PCDHGA6: variants seen among roughly 807,000 people sequenced by gnomAD.
PCDHGA6 encodes the protein protocadherin gamma subfamily A, 6, also known as protocadherin gamma-A6.
Under a neutral mutation model 60.6 loss-of-function variants are expected in PCDHGA6, and 41 were observed. The ratio of observed to expected loss-of-function variants is 0.68; its 90% confidence interval spans 0.53 to 0.88. The LOEUF is 0.88. Ranked by LOEUF, PCDHGA6 falls within the 40% of genes least tolerant of loss-of-function variation. The pLI is 0.00. For missense variants in PCDHGA6, 1,312 were observed against 1,203.0 expected (o/e 1.09, Z -1.34); for synonymous variants, 594 against 524.4 (o/e 1.13, Z -1.81).
At chr5:141,475,983 C>T in intron 1 of PCDHGA6, 2 of 1,049,240 alleles carry the variant, frequency 1.9e-6, no homozygotes, top group Non-Finnish European at 2.8e-6. Context: ...GAACAGCCGG[C>T]GAGCAAATCA....
rs770638374 is a variant in PCDHGA6 at position 141,409,524 on chromosome 5, A to G, written c.2424+33017A>G. On this transcript the variant is annotated intron_variant, in intron 1 of 3. Coordinates refer to ENST00000517434, the MANE Select transcript of PCDHGA6 (RefSeq NM_018919.3). ...TCTTCCAGTAGAAGCATCACCTTGTATGTCGCTGACATCAACGACAACGCC... is the reference window on the plus strand; with the variant it reads ...TCTTCCAGTAGAAGCATCACCTTGTGTGTCGCTGACATCAACGACAACGCC... 11 of 1,613,972 alleles carry G rather than the reference A, an allele frequency of 6.8e-6. No homozygotes were observed. In the South Asian group the frequency reaches 1.1e-4, roughly 16 times the overall value.
Position 141,398,804 on chromosome 5 carries a change from C to G in PCDHGA6, c.2424+22297C>G, listed in dbSNP as rs1283760076. 9 of 1,613,894 alleles carry G rather than the reference C, an allele frequency of 5.6e-6. No homozygotes were observed. In the South Asian group the frequency reaches 8.8e-5, roughly 16 times the overall value. On this transcript the variant is annotated intron_variant, in intron 1 of 3. Coordinates refer to ENST00000517434, the MANE Select transcript of PCDHGA6 (RefSeq NM_018919.3). ...GGACATCCACCCCTAAGCGGCACCA[C>G]TGAGCTCCGGATCCAGGTAACCGAC... is the stretch of plus-strand genomic sequence containing the variant.
chr5:141,422,370 T>G (rs2096643676), intron 1 of PCDHGA6: 1 of 1,566,604 alleles, frequency 6.4e-7, no homozygotes, highest in African/African-American at 1.4e-5. Flanking sequence ...GAGAAAATGG[T>G]CAAGTCTCCT....
At chr5:141,454,471 A>C (rs774315258) in intron 1 of PCDHGA6, among the ~76,000 whole-genome samples, 7 of 152,198 alleles carry the variant, frequency 4.6e-5, no homozygotes, top group Non-Finnish European at 7.3e-5. Context: ...CAATGGCATG[A>C]TCTCAGCTCA....
In PCDHGA6 at chr5:141,494,748, C is replaced by T. The variant is rs566281527; in HGVS notation, c.2425-59C>T. On this transcript the variant is annotated intron_variant, in intron 1 of 3. Coordinates refer to ENST00000517434, the MANE Select transcript of PCDHGA6 (RefSeq NM_018919.3). ...CTCTCCCGGCCCATCCCTAGGGGCTCGGGTGACATTCTAACTTCTCACGGG... is the reference window on the plus strand; with the variant it reads ...CTCTCCCGGCCCATCCCTAGGGGCTTGGGTGACATTCTAACTTCTCACGGG... 1.4e-5 allele frequency: 22 copies of T among 1,613,104 alleles called. No individual in the cohort carries two copies. The East Asian group carries it at 4.2e-4, about 31-fold the overall frequency.
chr5:141,383,308 G>T, intron 1 of PCDHGA6: 1 of 1,613,976 alleles, frequency 6.2e-7, no homozygotes, highest in Non-Finnish European at 8.5e-7. Context: ...CTTGACGGAA[G>T]AAATAAATGT....
At position 141,375,538 on chromosome 5, in the gene PCDHGA6, C is replaced by T; in HGVS notation, c.1455C>T (p.Ala485=). Residue 485 remains alanine (A), a synonymous_variant, in exon 1 of 4, where the codon GCC becomes GCT. Coordinates refer to ENST00000517434, the MANE Select transcript of PCDHGA6 (RefSeq NM_018919.3). ...NALDPDVDQN[A]QVSYSLAEDT... The stretch of plus-strand genomic sequence containing the variant: ...TGGACCCTGACGTGGACCAGAACGC[C>T]CAAGTCTCCTACTCACTGGCAGAAG... 1 of 1,614,018 alleles carries T rather than the reference C, an allele frequency of 6.2e-7. No homozygotes were observed. The highest frequency in any genetic ancestry group is 8.5e-7 in the Non-Finnish European group (1 of 1,179,936).
intron 1 of PCDHGA6, chr5:141,393,169 T>A: frequency 6.2e-7 from 1 of 1,613,090 alleles, no homozygotes; most frequent in African/African-American, 1.3e-5. Context: ...CTCTTTGGGG[T>A]AGAAATAGAA....
At chr5:141,383,978 C>T in intron 1 of PCDHGA6, 1 of 1,613,752 alleles carries the variant, frequency 6.2e-7, no homozygotes, top group Non-Finnish European at 8.5e-7. Context: ...CCTGAAGACA[C>T]ACCTCTTGGG....
intron 1 of PCDHGA6, chr5:141,429,222 T>C (rs897099159): frequency 6.6e-6 from 1 of 151,494 alleles, no homozygotes; most frequent in Non-Finnish European, 1.5e-5. Context: ...AAAGTGGGTA[T>C]TATGATACTG....
At chr5:141,399,509 A>G in intron 1 of PCDHGA6, 13 of 1,613,968 alleles carry the variant, frequency 8.1e-6, no homozygotes, top group Non-Finnish European at 1.1e-5. Flanking sequence ...CCCGAAAACA[A>G]CCCTCCTGGG....
chr5:141,374,338 C>T lies in PCDHGA6; in HGVS notation c.255C>T (p.Val85=). 1 of 1,613,994 alleles carries T rather than the reference C, an allele frequency of 6.2e-7. No homozygotes were observed. The highest frequency in any genetic ancestry group is 8.5e-7 in the Non-Finnish European group (1 of 1,179,876). Residue 85 remains valine (V), a synonymous_variant, in exon 1 of 4, where the codon GTC becomes GTT. Transcript: ENST00000517434. Reference sequence around the variant, plus strand: ...TGAATCCGCGAAACGGCAGCTTGGTCACCGCGGGTAGGATAGACCGCGAGG... The same window carrying T: ...TGAATCCGCGAAACGGCAGCTTGGTTACCGCGGGTAGGATAGACCGCGAGG... ...FSLNPRNGSL[V]TAGRIDREEL...
chr5:141,472,998 G>GAA (rs2099311030), intron 1 of PCDHGA6, among the ~76,000 whole-genome samples: 1 of 134,744 alleles, frequency 7.4e-6, no homozygotes, highest in Non-Finnish European at 1.6e-5. Flanking sequence ...AAAAAAAAAA[G>GAA]AAAGAAAAAG....
At chr5:141,409,502 T>G (rs1311120933) in intron 1 of PCDHGA6, 17 of 1,613,868 alleles carry the variant, frequency 1.1e-5, no homozygotes, top group Non-Finnish European at 1.4e-5. Context: ...GCCTCTTTCT[T>G]CCAGTAGAAG....
Position 141,476,782 on chromosome 5 carries a change from A to T in PCDHGA6, c.2425-18025A>T. On this transcript the variant is annotated intron_variant, in intron 1 of 3. Coordinates refer to ENST00000517434, the MANE Select transcript of PCDHGA6 (RefSeq NM_018919.3). The surrounding 1 kb of genome is among the most constrained non-coding windows in gnomAD (Gnocchi z 7.6). ...TGACGGCGTTGGACGGAGGGACCCCAGCTCTCTCCGCCAGCCTGCCTATTC... is the reference window on the plus strand; with the variant it reads ...TGACGGCGTTGGACGGAGGGACCCCTGCTCTCTCCGCCAGCCTGCCTATTC... 6.2e-7 allele frequency: 1 copy of T among 1,613,568 alleles called. No individual in the cohort carries two copies. The highest frequency in any genetic ancestry group is 8.5e-7 in the Non-Finnish European group (1 of 1,179,996).
chr5:141,493,962 T>C lies in PCDHGA6; in HGVS notation c.2425-845T>C, dbSNP rs550317675. 6.6e-6 allele frequency among the ~76,000 whole-genome samples: 1 copy of C among 152,320 alleles called. No homozygotes were observed. Among genetic ancestry groups the C allele is most frequent in the African/African-American group, 2.4e-5 (1 of 41,578 alleles). ...AGAAGGGACTCAGGAATGAAGTGGC[T>C]GGCCAGAGCCCCACACCTTCAGCTA... is the stretch of plus-strand genomic sequence containing the variant. On this transcript the variant is annotated intron_variant, in intron 1 of 3. Coordinates refer to ENST00000517434, the MANE Select transcript of PCDHGA6 (RefSeq NM_018919.3). This position sits in a 1 kb window ranked among gnomAD's most constrained non-coding sequence, Gnocchi z 4.3.
intron 1 of PCDHGA6, chr5:141,441,126 C>T (rs1319809408): frequency 6.6e-6 from 1 of 152,062 alleles, no homozygotes; most frequent in Non-Finnish European, 1.5e-5. Context: ...CAGTTGAGAC[C>T]GAATTTCTAG....
At position 141,376,063 on chromosome 5, in the gene PCDHGA6, C is replaced by T. The variant is rs1392618102; in HGVS notation, c.1980C>T (p.Leu660=). Residue 660 remains leucine, a synonymous_variant, in exon 1 of 4, where the codon CTC becomes CTT. Coordinates refer to ENST00000517434, the MANE Select transcript of PCDHGA6 (RefSeq NM_018919.3). ...GQPPLSATVT[L]TVAVADRIPD... ...CCCCTCTCTCCGCCACTGTCACGCT[C>T]ACCGTGGCCGTGGCCGACAGGATCC... is the stretch of plus-strand genomic sequence containing the variant. 3 of 1,613,444 alleles carry T rather than the reference C, an allele frequency of 1.9e-6. No homozygotes were observed. The highest frequency in any genetic ancestry group is 2.5e-6 in the Non-Finnish European group (3 of 1,179,898).
At chr5:141,414,629 G>A (rs2095766704) in intron 1 of PCDHGA6, 2 of 1,613,882 alleles carry the variant, frequency 1.2e-6, no homozygotes, top group Non-Finnish European at 1.7e-6. Context: ...GACCCGGACA[G>A]CAAAGAGAAT....
Sources: allele counts gnomAD v4.1 joint callset (sites outside exome capture counted in the v4.1 genomes callset), GRCh38; gene constraint gnomAD v4.1.1; non-coding constraint Gnocchi (gnomAD v3.1); transcripts MANE v1.5; gene names NCBI Gene and HGNC (gene_info 2026-07-23, HGNC 2026-07-21).